The following RUFY3 variants were observed in gnomAD, a reference collection of about 807,000 sequenced individuals.
RUFY3 encodes the protein protein RUFY3.
A neutral mutation model predicts 84.0 loss-of-function variants in RUFY3; 34 were observed. The ratio of observed to expected loss-of-function variants is 0.40; its 90% CI spans 0.31 to 0.54. The LOEUF is 0.54. Ranked by LOEUF, RUFY3 falls within the 20% of genes least tolerant of loss-of-function variation. RUFY3 has a pLI of 0.39. For synonymous variants in RUFY3, 242 were observed against 252.9 expected, an observed-to-expected ratio of 0.96 and a Z score of 0.41; for missense variants, 507 against 736.8, an observed-to-expected ratio of 0.69 and a Z score of 3.61.
At chr4:70,767,983 A>AT (rs1455822913) in intron 4 of RUFY3, among the ~76,000 whole-genome samples, 1 of 151,908 alleles carries the variant, frequency 6.6e-6, no homozygotes, top group Non-Finnish European at 1.5e-5. Context: ...CCAGCCAATA[A>AT]TTTTTATCCA....
intron 1 of RUFY3, among the ~76,000 whole-genome samples, chr4:70,709,998 A>T (rs1245465039): frequency 6.6e-6 from 1 of 152,230 alleles, no homozygotes; most frequent in Non-Finnish European, 1.5e-5. Context: ...CGTTACTATG[A>T]CTACCCACTA....
At position 70,806,763 on chromosome 4, in the gene RUFY3, G is replaced by A; in HGVS notation, c.*104G>A. The A allele has an allele frequency of 7.3e-7, 1 of 1,373,162 alleles. No individual in the cohort carries two copies. The highest frequency in any genetic ancestry group is 1.0e-6 in the Non-Finnish European group (1 of 1,003,168). The allele number at this position is 1,373,162 out of a possible 1,614,324, so 85.1% of individuals were successfully genotyped here. A position where few individuals can be genotyped will look rare whatever the true frequency, so the allele number is the denominator to read the frequency against. ...AGCCCAGTTCTTAGAGTCAACTAAA[G>A]AGTTGATAGGAATTTACTAGGTCCA... is the stretch of plus-strand genomic sequence containing the variant. On this transcript the variant is annotated 3_prime_UTR_variant, in exon 18 of 18. Coordinates refer to ENST00000381006, the MANE Select transcript of RUFY3 (RefSeq NM_001037442.4).
chr4:70,783,554 G>C (rs1337267355), intron 9 of RUFY3, among the ~76,000 whole-genome samples: 1 of 152,202 alleles, frequency 6.6e-6, no homozygotes, highest in Non-Finnish European at 1.5e-5. Flanking sequence ...CACTGGGAAA[G>C]AGCTACCATA....
chr4:70,756,203 T>C (rs1723992606), intron 1 of RUFY3, among the ~76,000 whole-genome samples: 1 of 152,198 alleles, frequency 6.6e-6, no homozygotes, highest in African/African-American at 2.4e-5. Context: ...TGTCTCTCCA[T>C]GCTGACTCCC....
Position 70,775,185 on chromosome 4 carries a change from C to A in RUFY3, c.776C>A (p.Ala259Glu). 1.3e-6 allele frequency: 2 copies of A among 1,599,152 alleles called. No homozygotes were observed. Among genetic ancestry groups the A allele is most frequent in the Non-Finnish European group, 1.7e-6 (2 of 1,170,348 alleles). ...KGTEGDGQIT[A>E]ILDQKNYVEE... is the part of the protein sequence containing the mutation. ...TCCCCCAGAGACGGTCAGATTACTG[C>A]AATTCTGGACCAGAAGAACTATGTA... The change falls in exon 7 of 18, where the codon GCA becomes GAA. Residue 259 changes from alanine (A) to glutamate (E), a missense_variant. Coordinates refer to ENST00000381006, the MANE Select transcript of RUFY3 (RefSeq NM_001037442.4).
upstream of RUFY3, among the ~76,000 whole-genome samples, chr4:70,719,674 T>C (rs1742041471): frequency 6.6e-6 from 1 of 152,216 alleles, no homozygotes; most frequent in Admixed American, 6.5e-5. Flanking sequence ...TATTGCATGA[T>C]ATAAAGTGAA....
intron 10 of RUFY3, among the ~76,000 whole-genome samples, chr4:70,786,682 A>G: frequency 6.6e-6 from 1 of 152,214 alleles, no homozygotes; most frequent in South Asian, 2.1e-4. Flanking sequence ...TGTCAGTCAT[A>G]CTTTTTTTAA....
At position 70,768,547 on chromosome 4, in the gene RUFY3, C is replaced by T. The variant is rs764681198; in HGVS notation, c.582C>T (p.Tyr194=). The T allele has an allele frequency of 3.6e-5, 58 of 1,613,148 alleles. No individual in the cohort carries two copies. Among genetic ancestry groups the T allele is most frequent in the Non-Finnish European group, 4.2e-5 (50 of 1,179,754 alleles). Reference sequence around the variant, plus strand: ...TGGATTTCTCTTACAGTGAATTCTACGAACCCAATGCCCTCATGATGGAAG... The same window carrying T: ...TGGATTTCTCTTACAGTGAATTCTATGAACCCAATGCCCTCATGATGGAAG... ...INKKELLSEF[Y]EPNALMMEEE... is the part of the protein sequence containing the mutation. The change falls in exon 5 of 18, where the codon TAC becomes TAT. Residue 194 remains tyrosine, a synonymous_variant. Coordinates refer to ENST00000381006, the MANE Select transcript of RUFY3 (RefSeq NM_001037442.4).
chr4:70,790,326 G>T (rs144411463), intron 12 of RUFY3, among the ~76,000 whole-genome samples: 1 of 152,198 alleles, frequency 6.6e-6, no homozygotes, highest in Non-Finnish European at 1.5e-5. Context: ...AAGGATGAAT[G>T]TGACGTGGTA....
At chr4:70,743,390 T>C (rs1237017222) in intron 1 of RUFY3, among the ~76,000 whole-genome samples, 1 of 152,140 alleles carries the variant, frequency 6.6e-6, no homozygotes, top group Non-Finnish European at 1.5e-5. Flanking sequence ...TTATTATTAA[T>C]TATTGGCTAG....
At chr4:70,787,260 G>GTTTTTTT (rs1268063842) in intron 10 of RUFY3, among the ~76,000 whole-genome samples, 1 of 108,494 alleles carries the variant, frequency 9.2e-6, no homozygotes. Context: ...TTATTTATTT[G>GTTTTTTT]TTTTTTTTTT....
chr4:70,738,071 C>T (rs1370390256), intron 1 of RUFY3, among the ~76,000 whole-genome samples: 1 of 151,112 alleles, frequency 6.6e-6, no homozygotes, highest in East Asian at 1.9e-4. Context: ...CCAGCCTCCA[C>T]CTCCCAGGCT....
At chr4:70,736,440 G>A (rs555843780) in intron 1 of RUFY3, among the ~76,000 whole-genome samples, 2 of 152,222 alleles carry the variant, frequency 1.3e-5, no homozygotes, top group African/African-American at 4.8e-5. Context: ...TTTTATACAT[G>A]TAAGATCATA....
intron 1 of RUFY3, among the ~76,000 whole-genome samples, chr4:70,743,809 T>A (rs993681518): frequency 2.0e-5 from 3 of 151,736 alleles, no homozygotes; most frequent in African/African-American, 4.8e-5. Context: ...AAAAAAAAAA[T>A]GAGAATGGGG....
chr4:70,719,569 C>T (rs1198033113), upstream of RUFY3, among the ~76,000 whole-genome samples: 1 of 152,200 alleles, frequency 6.6e-6, no homozygotes, highest in Non-Finnish European at 1.5e-5. Context: ...GTTTTGATAT[C>T]ACACATACAG....
chr4:70,710,844 C>T (rs954176596), intron 1 of RUFY3, among the ~76,000 whole-genome samples: 1 of 151,638 alleles, frequency 6.6e-6, no homozygotes, highest in Admixed American at 6.6e-5. Context: ...AGGCGGATCA[C>T]TTGAGGTCAG....
At chr4:70,765,209 G>A (rs865806579) in intron 4 of RUFY3, among the ~76,000 whole-genome samples, 1 of 137,214 alleles carries the variant, frequency 7.3e-6, no homozygotes, top group African/African-American at 2.7e-5. Flanking sequence ...AAAAAAATGT[G>A]TATATATATA....
intron 1 of RUFY3, chr4:70,734,522 A>G (rs71599969): frequency 0.037 from 36,426 of 985,326 alleles, 746 homozygotes; most frequent in Non-Finnish European, 0.041. Flanking sequence ...TATGGGACAA[A>G]GTTTTCTGGA....
chr4:70,751,510 G>A (rs556418650), intron 1 of RUFY3, among the ~76,000 whole-genome samples: 103 of 152,210 alleles, frequency 6.8e-4, no homozygotes, highest in Non-Finnish European at 1.0e-3. Flanking sequence ...TCTCTAATTA[G>A]CATCTTTTCA....
Sources: gnomAD v4.1 joint callset for allele counts (sites outside exome capture counted in the v4.1 genomes callset) on GRCh38, gnomAD v4.1.1 for gene constraint, MANE v1.5 for transcripts, NCBI Gene and HGNC (gene_info 2026-07-23, HGNC 2026-07-21) for gene names.